Variants in RAD17 observed in about 807,000 individuals in gnomAD.
The protein encoded by RAD17 is RAD17 checkpoint clamp loader component.
Under a neutral mutation model 81.5 loss-of-function variants are expected in RAD17, and 31 were observed. That is an observed-to-expected ratio of 0.38 (90% CI 0.29 to 0.51). The LOEUF is 0.51. Ranked by LOEUF, RAD17 falls within the 20% of genes least tolerant of loss-of-function variation. RAD17 has a pLI of 0.88. For synonymous variants in RAD17, 261 were observed against 266.2 expected (o/e 0.98, Z 0.19); for missense variants, 681 against 781.2 (o/e 0.87, Z 1.53).
chr5:69,382,888 A>G (rs1490294248), intron 7 of RAD17, among the ~76,000 whole-genome samples: 2 of 152,030 alleles, frequency 1.3e-5, no homozygotes, highest in Non-Finnish European at 2.9e-5. Flanking sequence ...GACTCAAGCT[A>G]TTCTCATGCC....
chr5:69,376,332 G>A (rs10037276), intron 6 of RAD17, among the ~76,000 whole-genome samples: 75,745 of 152,022 alleles, frequency 0.5, 18,907 homozygotes, highest in South Asian at 0.54. Flanking sequence ...GTACAGTAGT[G>A]ACTTTCTTAT....
At chr5:69,412,302 ATCTT>A (rs1561281250) in intron 18 of RAD17, among the ~76,000 whole-genome samples, 2 of 152,176 alleles carry the variant, frequency 1.3e-5, no homozygotes, top group Admixed American at 6.5e-5. Flanking sequence ...GACTGGTACT[ATCTT>A]TTATTTATGT....
At chr5:69,369,996 C>T in intron 1 of RAD17, 63 bp downstream of exon 1, 1 of 431,930 alleles carries the variant, frequency 2.3e-6, no homozygotes. Context: ...TCTATCTCTG[C>T]CTTCAAGCTT....
intron 16 of RAD17, among the ~76,000 whole-genome samples, chr5:69,398,772 C>T (rs1056899570): frequency 6.7e-6 from 1 of 150,046 alleles, no homozygotes; most frequent in African/African-American, 2.5e-5. Context: ...TGCCACTGCA[C>T]TCCAGCCTAG....
chr5:69,379,579 A>G (rs1763718933), intron 6 of RAD17, among the ~76,000 whole-genome samples: 1 of 152,142 alleles, frequency 6.6e-6, no homozygotes, highest in Non-Finnish European at 1.5e-5. Flanking sequence ...TTAAAACACA[A>G]ATAAATGGTA....
chr5:69,397,983 G>A (rs1028226250), intron 16 of RAD17, among the ~76,000 whole-genome samples: 7 of 152,116 alleles, frequency 4.6e-5, no homozygotes, highest in East Asian at 1.9e-4. Context: ...CGGGTGTGGC[G>A]GCGTGCGCCT....
At chr5:69,393,098 G>T (rs1764644511) in intron 13 of RAD17, 57 bp from the exon 14 acceptor site, 3 of 1,173,552 alleles carry the variant, frequency 2.6e-6, no homozygotes, top group Non-Finnish European at 2.5e-6. Context: ...CAAATGAGAG[G>T]TGCTATATAA....
intron 6 of RAD17, among the ~76,000 whole-genome samples, chr5:69,381,011 C>T (rs758773843): frequency 3.3e-5 from 5 of 151,924 alleles, no homozygotes; most frequent in African/African-American, 9.7e-5. Flanking sequence ...TCAAGGAATC[C>T]GTCTGCCTCA....
In RAD17 at chr5:69,377,539, GTATATATATGCATATATATGTA is replaced by G. The variant is rs1763480586; in HGVS notation, c.351+2853_351+2874del. 1.7e-4 allele frequency among the ~76,000 whole-genome samples: 3 copies of G among 17,202 alleles called. 1 individual carries two copies. Among genetic ancestry groups the G allele is most frequent in the Non-Finnish European group, 3.3e-4 (3 of 8,972 alleles). 11.3% of individuals were successfully genotyped at this position (17,202 alleles called of 152,430 possible). On this transcript the variant is annotated intron_variant, in intron 6 of 18. Transcript: ENST00000354868. ...TACGTATATATATGTGTATATATAC[GTATATATATGCATATATATGTA>G]TATATATATGCATATATATGTATAC...
intron 17 of RAD17, among the ~76,000 whole-genome samples, chr5:69,405,816 G>A (rs915130827): frequency 6.6e-6 from 1 of 152,036 alleles, no homozygotes; most frequent in Non-Finnish European, 1.5e-5. Context: ...CGAGGCAGGC[G>A]GATCACTTGA....
intron 5 of RAD17, 21 bp from the exon 6 acceptor site, chr5:69,374,607 A>C: frequency 6.3e-7 from 1 of 1,588,372 alleles, no homozygotes; most frequent in South Asian, 1.2e-5. Context: ...TTTTGTTTTA[A>C]ATTTGAAATT....
chr5:69,384,729 C>A, intron 7 of RAD17, 68 bp from the exon 8 acceptor site: 1 of 1,404,566 alleles, frequency 7.1e-7, no homozygotes, highest in Non-Finnish European at 9.8e-7. Context: ...TGTGTGTGTA[C>A]ATACAGATGT....
intron 12 of RAD17, 21 bp downstream of exon 12, chr5:69,389,166 C>A: frequency 1.4e-6 from 2 of 1,437,132 alleles, no homozygotes; most frequent in South Asian, 1.3e-5. Context: ...AAGATACAGT[C>A]ATGTGGCATT....
chr5:69,386,832 A>G (rs2150817133), intron 11 of RAD17, among the ~76,000 whole-genome samples: 1 of 152,182 alleles, frequency 6.6e-6, no homozygotes, highest in South Asian at 2.1e-4. Context: ...ATTATGGTGA[A>G]AAACATGTAT....
In RAD17 at chr5:69,379,983, C is replaced by T. The variant is rs190621354; in HGVS notation, c.352-1918C>T. Among the ~76,000 whole-genome samples the T allele has an allele frequency of 1.5e-4, 23 of 151,790 alleles. No individual in the cohort carries two copies. In the South Asian group the frequency reaches 4.8e-3, roughly 32 times the overall value. On this transcript the variant is annotated intron_variant, in intron 6 of 18. Transcript: ENST00000354868. ...GCAACCTCTGCCTCCCGGGTTCAAG[C>T]GATTTTCTTGCCTCAGCCTCCTGAG...
Position 69,409,651 on chromosome 5 carries a change from ATTCTTT to A in RAD17, c.1694-833_1694-828del, listed in dbSNP as rs1321738132. Among the ~76,000 whole-genome samples, 7 of 152,264 alleles carry A rather than the reference ATTCTTT, an allele frequency of 4.6e-5. No individual in the cohort carries two copies. The East Asian group carries it at 1.4e-3, about 29-fold the overall frequency. ...TGTCATCCTGAAAGTTTACTATGTC[ATTCTTT>A]TTCTTTTTGCATTTTTAATTGTGAT... On this transcript the variant is annotated intron_variant, in intron 17 of 18. Coordinates refer to ENST00000354868, the MANE Select transcript of RAD17 (RefSeq NM_133338.3).
chr5:69,381,633 C>T (rs537150818), intron 6 of RAD17, among the ~76,000 whole-genome samples: 58 of 151,822 alleles, frequency 3.8e-4, no homozygotes, highest in African/African-American at 1.4e-3. Flanking sequence ...TTATCAGAAG[C>T]GGAATTGAGA....
intron 6 of RAD17, 47 bp from the exon 7 acceptor site, chr5:69,381,854 C>A: frequency 7.6e-7 from 1 of 1,317,880 alleles, no homozygotes; most frequent in Non-Finnish European, 1.0e-6. Flanking sequence ...AATATTCTAG[C>A]ATTCCAGTGA....
At chr5:69,370,003 G>T (rs1431320611) in intron 1 of RAD17, 70 bp downstream of exon 1, 2 of 407,428 alleles carry the variant, frequency 4.9e-6, no homozygotes, top group Non-Finnish European at 8.7e-6. Context: ...CTGCCTTCAA[G>T]CTTTCCTGGG....
Sources: allele counts gnomAD v4.1 joint callset (sites outside exome capture counted in the v4.1 genomes callset), GRCh38; gene constraint gnomAD v4.1.1; transcripts MANE v1.5; gene names NCBI Gene and HGNC (gene_info 2026-07-23, HGNC 2026-07-21).